ZRANB3: variants seen among roughly 807,000 people sequenced by gnomAD.
ZRANB3 encodes DNA annealing helicase and endonuclease ZRANB3.
Under a neutral mutation model 133.8 loss-of-function variants are expected in ZRANB3, and 125 were observed. The observed-to-expected ratio is 0.93, with a 90% CI of 0.81 to 1.08. The LOEUF is 1.08. Ranked by LOEUF, ZRANB3 falls within the 50% of genes least tolerant of loss-of-function variation. The pLI is 0.00. For missense variants in ZRANB3, 1,229 were observed against 1,275.5 expected (o/e 0.96, Z 0.56); for synonymous variants, 387 against 432.7 (o/e 0.89, Z 1.31).
chr2:135,208,723 A>G, intron 18 of ZRANB3, 145 bp downstream of exon 18: 3 of 625,750 alleles, frequency 4.8e-6, no homozygotes, highest in Non-Finnish European at 8.3e-6. Flanking sequence ...GGTTGCTAGG[A>G]CAACTGAAGA....
At chr2:135,406,015 A>C (rs187569292) in intron 2 of ZRANB3, among the ~76,000 whole-genome samples, 1 of 152,318 alleles carries the variant, frequency 6.6e-6, no homozygotes, top group Admixed American at 6.5e-5. Context: ...CCCTTCAAAA[A>C]AATCAGTGAA....
chr2:135,451,062 T>A (rs1462605155), intron 2 of ZRANB3, among the ~76,000 whole-genome samples: 1 of 152,076 alleles, frequency 6.6e-6, no homozygotes, highest in African/African-American at 2.4e-5. Context: ...CTCAGAAGAG[T>A]TTCTGCCTTC....
intron 2 of ZRANB3, among the ~76,000 whole-genome samples, chr2:135,476,800 C>T (rs1691520019): frequency 6.6e-6 from 1 of 151,532 alleles, no homozygotes; most frequent in Non-Finnish European, 1.5e-5. Context: ...ACCTCCCAGG[C>T]TCATGAGATC....
At chr2:135,214,401 T>C (rs1407423428) in intron 17 of ZRANB3, among the ~76,000 whole-genome samples, 2 of 152,018 alleles carry the variant, frequency 1.3e-5, no homozygotes, top group East Asian at 3.9e-4. Context: ...GTATATATAA[T>C]TTTATAAATA....
In ZRANB3 at chr2:135,305,624, G is replaced by C. The variant is rs767959995; in HGVS notation, c.966+7865C>G. ...TGTGGTTTGGTGGCTTTCTGTAGTA[G>C]TAACATTTGAGTCCTTTCTTTTCCT... is the stretch of plus-strand genomic sequence containing the variant. On this transcript the variant is annotated intron_variant, in intron 8 of 20. Transcript: ENST00000264159. Among the ~76,000 whole-genome samples, 5 of 152,078 alleles carry C rather than the reference G, an allele frequency of 3.3e-5. 1 individual carries two copies. The highest frequency in any genetic ancestry group is 4.1e-4 in the South Asian group (2 of 4,822).
At chr2:135,256,814 A>G (rs1001528952) in intron 12 of ZRANB3, among the ~76,000 whole-genome samples, 11 of 152,194 alleles carry the variant, frequency 7.2e-5, no homozygotes, top group African/African-American at 2.7e-4. Flanking sequence ...GTTTCACAAC[A>G]CACAGGTCCC....
chr2:135,310,236 C>A (rs1456346715), intron 8 of ZRANB3, among the ~76,000 whole-genome samples: 1 of 152,156 alleles, frequency 6.6e-6, no homozygotes, highest in Non-Finnish European at 1.5e-5. Flanking sequence ...CGTGCCTGGC[C>A]TTCAAGACTT....
chr2:135,443,139 A>AAAAAG (rs1183757400), intron 2 of ZRANB3, among the ~76,000 whole-genome samples: 1 of 151,950 alleles, frequency 6.6e-6, no homozygotes, highest in East Asian at 1.9e-4. Context: ...AAGAAAAAGA[A>AAAAAG]AAAAGAAAAG....
At chr2:135,293,365 T>C (rs1681863634) in intron 8 of ZRANB3, among the ~76,000 whole-genome samples, 1 of 152,178 alleles carries the variant, frequency 6.6e-6, no homozygotes, top group Non-Finnish European at 1.5e-5. Flanking sequence ...CAATTGTGAA[T>C]GGGAGTTCAC....
chr2:135,482,314 C>T (rs1438710366), intron 2 of ZRANB3, among the ~76,000 whole-genome samples: 1 of 134,150 alleles, frequency 7.5e-6, no homozygotes, highest in Non-Finnish European at 1.5e-5. Context: ...TGTAGTTCTC[C>T]TTGAAGAGGT....
At chr2:135,249,580 T>C (rs910946680) in intron 12 of ZRANB3, among the ~76,000 whole-genome samples, 2 of 152,186 alleles carry the variant, frequency 1.3e-5, no homozygotes, top group African/African-American at 4.8e-5. Flanking sequence ...GAATTGTATC[T>C]CACAGAATTC....
chr2:135,290,462 G>A (rs907939779), intron 8 of ZRANB3, among the ~76,000 whole-genome samples: 13 of 152,074 alleles, frequency 8.5e-5, no homozygotes, highest in African/African-American at 1.9e-4. Context: ...TTTTTGCACC[G>A]CTTTACCTTA....
At chr2:135,376,456 G>A (rs1000662092) in intron 3 of ZRANB3, among the ~76,000 whole-genome samples, 13 of 152,046 alleles carry the variant, frequency 8.6e-5, no homozygotes. Flanking sequence ...TCATCTTTGT[G>A]AACGAAAAAA....
intron 6 of ZRANB3, among the ~76,000 whole-genome samples, chr2:135,329,543 C>T (rs551309005): frequency 6.6e-6 from 1 of 152,308 alleles, no homozygotes; most frequent in African/African-American, 2.4e-5. Flanking sequence ...GCAATGCAGA[C>T]TCTTTTTTGG....
At chr2:135,254,790 G>A (rs1002479663) in intron 12 of ZRANB3, among the ~76,000 whole-genome samples, 12 of 150,936 alleles carry the variant, frequency 8.0e-5, no homozygotes, top group East Asian at 5.8e-4. Context: ...TTGCTCTGTC[G>A]CCCAGGCTGG....
At chr2:135,267,905 C>T (rs572944106) in intron 11 of ZRANB3, among the ~76,000 whole-genome samples, 543 of 151,948 alleles carry the variant, frequency 3.6e-3, no homozygotes, top group Non-Finnish European at 5.8e-3. Context: ...AGGGTGGAGC[C>T]CTCATGAATG....
intron 3 of ZRANB3, among the ~76,000 whole-genome samples, chr2:135,390,313 G>T (rs1351561769): frequency 6.6e-6 from 1 of 152,098 alleles, no homozygotes; most frequent in Admixed American, 6.5e-5. Flanking sequence ...TGTAACAAGA[G>T]CCTCCATTTC....
chr2:135,317,081 A>C (rs1683300483), intron 6 of ZRANB3, among the ~76,000 whole-genome samples: 1 of 151,494 alleles, frequency 6.6e-6, no homozygotes, highest in Admixed American at 6.6e-5. Context: ...CATACCATTT[A>C]GTTGTCATCA....
intron 13 of ZRANB3, among the ~76,000 whole-genome samples, chr2:135,229,427 G>C (rs1465857195): frequency 5.3e-5 from 8 of 150,764 alleles, no homozygotes. Context: ...GAGTGCAGTG[G>C]CGCGATCTCG....
Sources: gnomAD v4.1 joint callset for allele counts (sites outside exome capture counted in the v4.1 genomes callset) on GRCh38, gnomAD v4.1.1 for gene constraint, MANE v1.5 for transcripts, NCBI Gene and HGNC (gene_info 2026-07-23, HGNC 2026-07-21) for gene names.